Variants in TMEM117 observed in about 807,000 individuals in gnomAD.
TMEM117 encodes transmembrane protein 117.
A neutral mutation model predicts 52.4 loss-of-function variants in TMEM117; 27 were observed. That is an observed-to-expected ratio of 0.51 (90% CI 0.38 to 0.71). The LOEUF is 0.71. TMEM117 is among the 30% of genes least tolerant of loss of function. The probability of loss-of-function intolerance (pLI) is 0.00; values close to 1 mark genes in which losing one functional copy is unlikely to be tolerated. For synonymous variants in TMEM117, 215 were observed against 206.3 expected (o/e 1.04, Z -0.36); for missense variants, 556 against 630.5 (o/e 0.88, Z 1.26).
chr12:44,191,381 G>GTCTGTCTA, intron 4 of TMEM117, among the ~76,000 whole-genome samples: 1 of 151,900 alleles, frequency 6.6e-6, no homozygotes, highest in African/African-American at 2.4e-5. Context: ...CTGTCTGTCT[G>GTCTGTCTA]TCTGTCTATC....
intron 3 of TMEM117, among the ~76,000 whole-genome samples, chr12:44,140,977 A>G (rs1420168462): frequency 2.6e-5 from 4 of 152,002 alleles, no homozygotes; most frequent in African/African-American, 9.7e-5. Flanking sequence ...CTCCTTCCTC[A>G]CTAGGATCTT....
chr12:44,318,902 C>A (rs1175312166), intron 6 of TMEM117, among the ~76,000 whole-genome samples: 1 of 152,218 alleles, frequency 6.6e-6, no homozygotes, highest in Non-Finnish European at 1.5e-5. Flanking sequence ...GTCCCCTGCA[C>A]CATGATCTCA....
chr12:43,813,136 G>A, the TMEM117 span, among the ~76,000 whole-genome samples: 6 of 150,610 alleles, frequency 4.0e-5, no homozygotes, highest in Non-Finnish European at 5.9e-5. Context: ...GACTCCATGG[G>A]TCCATCCCAC....
At chr12:44,083,802 A>G (rs1172747300) in intron 3 of TMEM117, 2 of 151,908 alleles carry the variant, frequency 1.3e-5, no homozygotes, top group Non-Finnish European at 2.9e-5. Context: ...TCATCTTTTA[A>G]TATTTTTATT....
intron 3 of TMEM117, among the ~76,000 whole-genome samples, chr12:44,108,115 A>G (rs996670173): frequency 6.6e-6 from 1 of 152,180 alleles, no homozygotes; most frequent in Non-Finnish European, 1.5e-5. Flanking sequence ...TGATGAGCAC[A>G]TCTGCTAAAG....
At chr12:44,043,652 T>C (rs796826747) in intron 3 of TMEM117, among the ~76,000 whole-genome samples, 7 of 152,220 alleles carry the variant, frequency 4.6e-5, no homozygotes, top group African/African-American at 1.4e-4. Context: ...TTGATTCTCC[T>C]CAGAAGTCAC....
chr12:43,910,598 G>A (rs1446389883), intron 2 of TMEM117, among the ~76,000 whole-genome samples: 48 of 151,842 alleles, frequency 3.2e-4, no homozygotes, highest in Admixed American at 2.4e-3. Context: ...AGAAAACCCC[G>A]TTGTCTCAGC....
chr12:44,035,711 G>A (rs1946700203), intron 3 of TMEM117, among the ~76,000 whole-genome samples: 2 of 152,192 alleles, frequency 1.3e-5, no homozygotes, highest in African/African-American at 4.8e-5. Flanking sequence ...GATTTTAGAT[G>A]ACTTTTACCT....
intron 4 of TMEM117, among the ~76,000 whole-genome samples, chr12:44,180,881 C>G (rs933821981): frequency 5.3e-5 from 8 of 151,798 alleles, no homozygotes; most frequent in Non-Finnish European, 1.2e-4. Context: ...AATGGGATGG[C>G]TGGGTCAAAT....
chr12:44,144,951 A>G (rs1047861519), intron 4 of TMEM117, among the ~76,000 whole-genome samples: 1 of 152,014 alleles, frequency 6.6e-6, no homozygotes, highest in Non-Finnish European at 1.5e-5. Context: ...AGGTCAGGAG[A>G]TCGAGACCAT....
chr12:44,341,497 CT>C (rs1195978308), intron 6 of TMEM117, among the ~76,000 whole-genome samples: 2 of 152,102 alleles, frequency 1.3e-5, no homozygotes, highest in African/African-American at 4.8e-5. Context: ...ATGCTGCATT[CT>C]CTTTAATCAT....
chr12:44,291,692 T>C (rs1237078401), intron 5 of TMEM117, among the ~76,000 whole-genome samples: 1 of 151,936 alleles, frequency 6.6e-6, no homozygotes, highest in Admixed American at 6.6e-5. Flanking sequence ...TAGTTGAGAG[T>C]TTTTATCATG....
At chr12:44,330,365 C>T (rs529537529) in intron 6 of TMEM117, among the ~76,000 whole-genome samples, 59 of 152,136 alleles carry the variant, frequency 3.9e-4, no homozygotes, top group African/African-American at 1.2e-3. Flanking sequence ...TAAGGCAGCT[C>T]TGTCCAATGG....
chr12:44,130,097 A>G lies in TMEM117; in HGVS notation c.411-13428A>G, dbSNP rs533871695. 4.8e-4 allele frequency among the ~76,000 whole-genome samples: 73 copies of G among 152,296 alleles called. No homozygotes were observed. In the South Asian group the frequency reaches 0.014, roughly 30 times the overall value. On this transcript the variant is annotated intron_variant, in intron 3 of 7. Coordinates refer to ENST00000266534, the MANE Select transcript of TMEM117 (RefSeq NM_032256.3). ...CTTTTACTATCCCAGTGTTTCTCCC[A>G]TAAAAAGAAAATAGTTACCATTCGT...
At chr12:43,935,534 T>C (rs939659162) in intron 2 of TMEM117, among the ~76,000 whole-genome samples, 2 of 152,190 alleles carry the variant, frequency 1.3e-5, no homozygotes, top group Non-Finnish European at 1.5e-5. Context: ...GAAGCATACA[T>C]TGAGAGATAA....
chr12:44,304,533 G>T (rs775006409), intron 6 of TMEM117, among the ~76,000 whole-genome samples: 34 of 152,166 alleles, frequency 2.2e-4, no homozygotes, highest in Non-Finnish European at 4.3e-4. Context: ...TCAATCCCTA[G>T]TAGTGCAGCT....
chr12:43,862,698 C>A (rs1943510780), intron 2 of TMEM117, among the ~76,000 whole-genome samples: 1 of 152,146 alleles, frequency 6.6e-6, no homozygotes, highest in Admixed American at 6.5e-5. Context: ...GATACTCTAA[C>A]TAGAGTGGTT....
chr12:44,204,685 A>G (rs73100825), intron 4 of TMEM117, among the ~76,000 whole-genome samples: 18,908 of 152,098 alleles, frequency 0.12, 1,388 homozygotes, highest in Middle Eastern at 0.23. Flanking sequence ...CCAAAACAGC[A>G]TATTGGTACA....
At chr12:44,266,436 A>G (rs759517888) in intron 5 of TMEM117, among the ~76,000 whole-genome samples, 3 of 152,064 alleles carry the variant, frequency 2.0e-5, no homozygotes, top group African/African-American at 7.2e-5. Flanking sequence ...AGAAATGTCT[A>G]TTTAAAATAT....
Sources: allele counts gnomAD v4.1 joint callset (sites outside exome capture counted in the v4.1 genomes callset), GRCh38; gene constraint gnomAD v4.1.1; transcripts MANE v1.5; gene names NCBI Gene and HGNC (gene_info 2026-07-23, HGNC 2026-07-21).